ACTR3C: variants seen among roughly 807,000 people sequenced by gnomAD.
The protein encoded by ACTR3C is actin related protein 3C.
A neutral mutation model predicts 26.3 loss-of-function variants in ACTR3C; 18 were observed. That is an observed-to-expected ratio of 0.68 (90% CI 0.47 to 1.01). The LOEUF (loss-of-function observed/expected upper bound fraction) is 1.01. ACTR3C is among the 50% of genes least tolerant of loss of function. ACTR3C has a pLI of 0.00. For synonymous variants in ACTR3C, 55 were observed against 94.5 expected (o/e 0.58, Z 2.42); for missense variants, 184 against 250.7 (o/e 0.73, Z 1.80).
At chr7:150,010,650 C>A in the ACTR3C span, among the ~76,000 whole-genome samples, 1 of 148,194 alleles carries the variant, frequency 6.7e-6, no homozygotes, top group African/African-American at 2.5e-5. Context: ...GCCGAGATTG[C>A]GCCACTGCAC....
chr7:150,197,036 G>A, the ACTR3C span, among the ~76,000 whole-genome samples: 1 of 152,090 alleles, frequency 6.6e-6, no homozygotes, highest in African/African-American at 2.4e-5. Flanking sequence ...CGGCCTGAGG[G>A]TGACAGCTTT....
intron 6 of ACTR3C, among the ~76,000 whole-genome samples, chr7:150,262,414 T>A (rs1833712876): frequency 6.6e-6 from 1 of 152,274 alleles, no homozygotes; most frequent in Admixed American, 6.5e-5. Context: ...GTCTGTAACT[T>A]TTTTTTTCTC....
At chr7:150,285,624 C>T (rs573582422) in intron 5 of ACTR3C, among the ~76,000 whole-genome samples, 21 of 152,240 alleles carry the variant, frequency 1.4e-4, no homozygotes, top group Middle Eastern at 3.4e-3. Context: ...AGATTACTAG[C>T]GAGGAACACA....
the ACTR3C span, among the ~76,000 whole-genome samples, chr7:149,946,776 G>A: frequency 0.02 from 3,099 of 152,156 alleles, 103 homozygotes; most frequent in African/African-American, 0.069. Flanking sequence ...AAACCTCCCC[G>A]TGAAGGTGAC....
the ACTR3C span, among the ~76,000 whole-genome samples, chr7:150,177,035 A>C: frequency 1.3e-5 from 2 of 150,576 alleles, 1 homozygote; most frequent in African/African-American, 5.0e-5. Context: ...TTGACCTTTG[A>C]AGAAGATTAT....
the ACTR3C span, among the ~76,000 whole-genome samples, chr7:150,028,141 A>G: frequency 6.6e-6 from 1 of 152,300 alleles, no homozygotes; most frequent in Non-Finnish European, 1.5e-5. Context: ...ATGATTATGC[A>G]GGCTTTCCAT....
chr7:149,979,203 C>T, the ACTR3C span, among the ~76,000 whole-genome samples: 2 of 152,230 alleles, frequency 1.3e-5, no homozygotes, highest in South Asian at 4.1e-4. Context: ...ATTTGACACA[C>T]ACTTTGCAAA....
At chr7:150,238,651 G>A in the ACTR3C span, among the ~76,000 whole-genome samples, 1 of 145,750 alleles carries the variant, frequency 6.9e-6, no homozygotes, top group Non-Finnish European at 1.5e-5. Context: ...CTACTCTCTG[G>A]TAAAGTCATG....
the ACTR3C span, among the ~76,000 whole-genome samples, chr7:150,015,716 C>T: frequency 6.6e-6 from 1 of 152,194 alleles, no homozygotes; most frequent in East Asian, 1.9e-4. Context: ...GATCATGAAC[C>T]AAGGCCCGCC....
the ACTR3C span, among the ~76,000 whole-genome samples, chr7:150,010,365 T>C: frequency 6.6e-6 from 1 of 152,128 alleles, no homozygotes; most frequent in Non-Finnish European, 1.5e-5. Context: ...AGTCCTCAGA[T>C]GTGTAATGTT....
the ACTR3C span, among the ~76,000 whole-genome samples, chr7:149,964,840 C>G: frequency 6.6e-6 from 1 of 151,948 alleles, no homozygotes; most frequent in Non-Finnish European, 1.5e-5. Flanking sequence ...AAATTGTGAC[C>G]AGGTAGAACA....
At chr7:150,124,516 A>G in the ACTR3C span, among the ~76,000 whole-genome samples, 1 of 151,978 alleles carries the variant, frequency 6.6e-6, no homozygotes, top group South Asian at 2.1e-4. Flanking sequence ...AGATGTATAA[A>G]GCTGTCTCAG....
chr7:150,098,472 G>C, the ACTR3C span, among the ~76,000 whole-genome samples: 21 of 151,840 alleles, frequency 1.4e-4, no homozygotes, highest in African/African-American at 5.1e-4. Flanking sequence ...GACATGAAGA[G>C]ACTGAAAGCC....
At chr7:150,265,750 C>G (rs2129610453) in intron 6 of ACTR3C, among the ~76,000 whole-genome samples, 1 of 152,154 alleles carries the variant, frequency 6.6e-6, no homozygotes, top group East Asian at 1.9e-4. Flanking sequence ...GTGATACACT[C>G]TTTATTCAGA....
the ACTR3C span, among the ~76,000 whole-genome samples, chr7:150,012,317 C>CTTTTTTTTTTTT: frequency 4.8e-3 from 633 of 131,156 alleles, 110 homozygotes; most frequent in East Asian, 0.014. Context: ...ATAAATGCAT[C>CTTTTTTTTTTTT]TTTTTTTTTT....
chr7:149,959,444 G>C, the ACTR3C span, among the ~76,000 whole-genome samples: 1 of 152,144 alleles, frequency 6.6e-6, no homozygotes, highest in African/African-American at 2.4e-5. Flanking sequence ...ACATTTACTG[G>C]AAGATTGCAC....
At chr7:150,297,178 G>A (rs1477034964) in intron 1 of ACTR3C, among the ~76,000 whole-genome samples, 3 of 146,410 alleles carry the variant, frequency 2.0e-5, no homozygotes, top group Non-Finnish European at 4.4e-5. Context: ...AAGGGAAGAA[G>A]GTACGACCCA....
chr7:150,143,854 G>A, the ACTR3C span, among the ~76,000 whole-genome samples: 1 of 152,178 alleles, frequency 6.6e-6, no homozygotes, highest in East Asian at 1.9e-4. Context: ...GCAGAAGCCG[G>A]GAGGCAAGAG....
At chr7:150,125,173 T>C in the ACTR3C span, among the ~76,000 whole-genome samples, 1 of 152,120 alleles carries the variant, frequency 6.6e-6, no homozygotes, top group African/African-American at 2.4e-5. Flanking sequence ...AACGTTCTTA[T>C]TTTGACCAAG....
Sources: gnomAD v4.1 joint callset for allele counts (sites outside exome capture counted in the v4.1 genomes callset) on GRCh38, gnomAD v4.1.1 for gene constraint, MANE v1.5 for transcripts, NCBI Gene and HGNC (gene_info 2026-07-23, HGNC 2026-07-21) for gene names.